The following DMD variants were observed in gnomAD, a reference collection of about 807,000 sequenced individuals.
The protein encoded by DMD is dystrophin.
Under a neutral mutation model 330.1 loss-of-function variants are expected in DMD, and 63 were observed. That is an observed-to-expected ratio of 0.19 (90% confidence interval 0.16 to 0.24). The LOEUF is 0.24. Among genes scored for constraint, DMD ranks in the 10% least tolerant of loss-of-function variants. The pLI, the probability that DMD is intolerant of heterozygous loss-of-function variation, is 1.00. For synonymous variants in DMD, 1,223 were observed against 959.8 expected, an observed-to-expected ratio of 1.27 and a Z score of -5.07; for missense variants, 3,344 against 2,684.1, an observed-to-expected ratio of 1.25 and a Z score of -5.43.
intron 42 of DMD, among the ~76,000 whole-genome samples, chrX:32,298,951 C>G (rs1353481244): frequency 9.0e-6 from 1 of 111,415 alleles, no homozygotes; most frequent in Non-Finnish European, 1.9e-5. Context: ...GGTTGGTAGA[C>G]AGTCAGAGAC....
intron 51 of DMD, among the ~76,000 whole-genome samples, chrX:31,735,258 A>G (rs1375334421): frequency 9.0e-6 from 1 of 111,582 alleles, no homozygotes; most frequent in Admixed American, 9.5e-5. Context: ...ATCTTGATCT[A>G]ACATCTCTTG....
At chrX:31,141,238 A>C (rs1406665239) in intron 76 of DMD, among the ~76,000 whole-genome samples, 1 of 111,929 alleles carries the variant, frequency 8.9e-6, no homozygotes, top group Non-Finnish European at 1.9e-5. Flanking sequence ...CAACAACAAA[A>C]CCAGAATGAT....
intron 60 of DMD, 44 bp from the exon 61 acceptor site, chrX:31,348,678 A>C: frequency 9.5e-7 from 1 of 1,056,499 alleles, no homozygotes; most frequent in Non-Finnish European, 1.3e-6. Flanking sequence ...ATTCTATATA[A>C]TGAGGAACAA....
intron 44 of DMD, among the ~76,000 whole-genome samples, chrX:32,062,089 C>T (rs4829244): frequency 0.42 from 46,323 of 109,649 alleles, 8,170 homozygotes; most frequent in African/African-American, 0.66. Flanking sequence ...AATATGTGTA[C>T]ACATATTCAG....
chrX:32,255,975 A>C (rs2097296867), intron 43 of DMD, among the ~76,000 whole-genome samples: 1 of 111,656 alleles, frequency 9.0e-6, no homozygotes, highest in Non-Finnish European at 1.9e-5. Flanking sequence ...CTTGGATTTA[A>C]AATATAACAG....
At chrX:31,781,460 T>C (rs1307793067) in intron 50 of DMD, among the ~76,000 whole-genome samples, 1 of 112,135 alleles carries the variant, frequency 8.9e-6, no homozygotes, top group Non-Finnish European at 1.9e-5. Flanking sequence ...GATCATTTGA[T>C]ATAGCTATAA....
intron 4 of DMD, among the ~76,000 whole-genome samples, chrX:32,833,003 A>G (rs924977744): frequency 5.4e-5 from 6 of 111,709 alleles, no homozygotes; most frequent in African/African-American, 1.9e-4. Context: ...AATTCTGGGT[A>G]CTCACTACAA....
At chrX:31,622,863 T>C (rs184376086) in intron 55 of DMD, among the ~76,000 whole-genome samples, 21 of 72,903 alleles carry the variant, frequency 2.9e-4, no homozygotes, top group Admixed American at 5.6e-4. Context: ...TATATATATA[T>C]ATATATATAT....
At chrX:32,555,687 C>T (rs967632184) in intron 16 of DMD, among the ~76,000 whole-genome samples, 4 of 111,359 alleles carry the variant, frequency 3.6e-5, no homozygotes, top group Non-Finnish European at 5.7e-5. Context: ...CACCTACAAC[C>T]ATCTGATCTT....
At chrX:32,815,546 CATAT>C (rs1320038891) in intron 6 of DMD, among the ~76,000 whole-genome samples, 2 of 82,271 alleles carry the variant, frequency 2.4e-5, no homozygotes, top group Non-Finnish European at 4.9e-5. Context: ...CATATATATA[CATAT>C]ATAGAGTATA....
intron 44 of DMD, among the ~76,000 whole-genome samples, chrX:32,107,027 G>A (rs1379583221): frequency 8.9e-6 from 1 of 111,904 alleles, no homozygotes; most frequent in Non-Finnish European, 1.9e-5. Flanking sequence ...TTTTTATGGT[G>A]TGAGTTCCAT....
intron 17 of DMD, among the ~76,000 whole-genome samples, chrX:32,532,033 A>G (rs1245979292): frequency 9.0e-6 from 1 of 111,386 alleles, no homozygotes. Context: ...TAATCTGATG[A>G]TACAATTTCT....
chrX:32,221,301 TGAG>T (rs1172720387), intron 43 of DMD, among the ~76,000 whole-genome samples: 1 of 108,825 alleles, frequency 9.2e-6, no homozygotes, highest in Admixed American at 1.0e-4. Context: ...TTTGATTAGG[TGAG>T]GAGGAGGGAC....
intron 49 of DMD, among the ~76,000 whole-genome samples, chrX:31,833,359 AAG>A (rs61677647): frequency 1.1e-3 from 56 of 50,331 alleles, no homozygotes; most frequent in African/African-American, 9.9e-4. Flanking sequence ...GAGGGAGGGA[AAG>A]AGAGAGAGAG....
At chrX:32,954,573 G>A (rs2091457462) in intron 2 of DMD, among the ~76,000 whole-genome samples, 1 of 111,991 alleles carries the variant, frequency 8.9e-6, no homozygotes, top group African/African-American at 3.2e-5. Flanking sequence ...AGGGGTACAT[G>A]TGCATGTGTG....
At chrX:32,991,869 C>G (rs2092987938) in intron 2 of DMD, among the ~76,000 whole-genome samples, 1 of 112,108 alleles carries the variant, frequency 8.9e-6, no homozygotes, top group South Asian at 3.6e-4. Context: ...TTCTGCAAGA[C>G]TGGAGATTTT....
At chrX:32,059,169 A>C (rs1453381531) in intron 44 of DMD, among the ~76,000 whole-genome samples, 1 of 111,527 alleles carries the variant, frequency 9.0e-6, no homozygotes, top group Non-Finnish European at 1.9e-5. Flanking sequence ...AAGATCTGCT[A>C]TGCAACATTT....
intron 44 of DMD, among the ~76,000 whole-genome samples, chrX:32,009,932 T>C (rs1187500172): frequency 8.9e-6 from 1 of 112,147 alleles, no homozygotes; most frequent in Non-Finnish European, 1.9e-5. Context: ...AGTCCCTGGA[T>C]TTAAAATCTG....
At chrX:32,574,849 CAT>C (rs1217282858) in intron 13 of DMD, among the ~76,000 whole-genome samples, 1 of 110,520 alleles carries the variant, frequency 9.0e-6, no homozygotes, top group Non-Finnish European at 1.9e-5. Context: ...GATATTAACA[CAT>C]GATTTAAACA....
Sources: gnomAD v4.1 joint callset for allele counts (sites outside exome capture counted in the v4.1 genomes callset) on GRCh38, gnomAD v4.1.1 for gene constraint, MANE v1.5 for transcripts, NCBI Gene and HGNC (gene_info 2026-07-23, HGNC 2026-07-21) for gene names.